The following CHD1 variants were observed in gnomAD, a reference collection of about 807,000 sequenced individuals.
The protein encoded by CHD1 is ATP-dependent chromatin remodeler CHD1.
In CHD1, 36 loss-of-function variants were observed where a neutral mutation model predicts 224.2. The ratio of observed to expected loss-of-function variants is 0.16; its 90% CI spans 0.12 to 0.21. The LOEUF (loss-of-function observed/expected upper bound fraction) is 0.21. Ranked by LOEUF, CHD1 falls within the 10% of genes least tolerant of loss-of-function variation. CHD1 has a pLI of 1.00. For synonymous variants in CHD1, 668 were observed against 658.3 expected (o/e 1.01, Z -0.23); for missense variants, 1,378 against 1,994.8 (o/e 0.69, Z 5.89).
At chr5:98,897,093 A>G (rs1751392971) in intron 11 of CHD1, 100 bp downstream of exon 11, 2 of 1,160,158 alleles carry the variant, frequency 1.7e-6, no homozygotes, top group Middle Eastern at 2.4e-4. Flanking sequence ...ATAAACTGCC[A>G]AAGAGTCTTA....
intron 23 of CHD1, among the ~76,000 whole-genome samples, chr5:98,878,666 C>T (rs1330670121): frequency 6.6e-6 from 1 of 152,128 alleles, no homozygotes; most frequent in Non-Finnish European, 1.5e-5. Context: ...AATATGCTTT[C>T]TGAACATGAC....
chr5:98,889,294 T>C lies in CHD1; in HGVS notation c.2181-56A>G, dbSNP rs1750852112. The C allele has an allele frequency of 3.1e-6, 4 of 1,306,680 alleles. No homozygotes were observed. In the South Asian group the frequency reaches 4.5e-5, roughly 15 times the overall value. 80.9% of individuals were successfully genotyped at this position (1,306,680 alleles called of 1,614,324 possible). A position where few individuals can be genotyped will look rare whatever the true frequency, so the allele number is the denominator to read the frequency against. On this transcript the variant is annotated intron_variant, in intron 15 of 35. Transcript: ENST00000614616. Reference sequence around the variant, plus strand: ...TAGCAGAACAATTACCAGGATAAATTCTAAAAGCATTAAAACAAACAAAAA... The same window carrying C: ...TAGCAGAACAATTACCAGGATAAATCCTAAAAGCATTAAAACAAACAAAAA...
chr5:98,906,091 T>C (rs1343375830), intron 2 of CHD1, among the ~76,000 whole-genome samples: 2 of 150,904 alleles, frequency 1.3e-5, no homozygotes, highest in Non-Finnish European at 3.0e-5. Context: ...AACACAGTAA[T>C]TCTCTTTTTC....
In CHD1 at chr5:98,863,465, T is replaced by C. The variant is rs1447049375; in HGVS notation, c.4370A>G (p.His1457Arg). 6 of 1,605,924 alleles carry C rather than the reference T, an allele frequency of 3.7e-6. No individual in the cohort carries two copies. The highest frequency in any genetic ancestry group is 2.2e-5 in the East Asian group (1 of 44,728). Residue 1457 changes from histidine to arginine, a missense_variant, in exon 32 of 36, where the codon CAT becomes CGT. His to Arg is a conservative substitution (Grantham distance 29). Transcript: ENST00000614616. ...TRQCLIKIGDHITECLKEYTN... is the reference protein window; with the variant it reads ...TRQCLIKIGDRITECLKEYTN... ...ATACTCTTTTAGACATTCTGTGATA[T>C]GGTCTCCAATTTTTATTAAACATTG...
In CHD1 at chr5:98,892,394, A is replaced by G. The variant is rs1751080464; in HGVS notation, c.2180+131T>C. ...CCTCCTAACGACACAGAATAAACTT[A>G]TTCTGAAACTCGAGAATTGCAACTG... On this transcript the variant is annotated intron_variant, in intron 15 of 35. Coordinates refer to ENST00000614616, the MANE Select transcript of CHD1 (RefSeq NM_001270.4). 3 of 570,280 alleles carry G rather than the reference A, an allele frequency of 5.3e-6. No individual in the cohort carries two copies. The Admixed American group carries it at 9.0e-5, about 17-fold the overall frequency. The allele number at this position is 570,280 out of a possible 1,614,324, so 35.3% of individuals were successfully genotyped here.
intron 32 of CHD1, chr5:98,860,418 G>A (rs1033533116): frequency 1.4e-5 from 4 of 277,680 alleles, no homozygotes; most frequent in South Asian, 3.4e-5. Context: ...ATAAGGGACA[G>A]GTATGTTAAT....
chr5:98,859,277 T>C (rs113653010), intron 33 of CHD1, among the ~76,000 whole-genome samples: 5,660 of 152,234 alleles, frequency 0.037, 170 homozygotes, highest in Middle Eastern at 0.12. Context: ...GTTCCCTTCA[T>C]CTAGCTTCTC....
At chr5:98,871,974 A>C in intron 28 of CHD1, 77 bp downstream of exon 28, 2 of 1,335,496 alleles carry the variant, frequency 1.5e-6, no homozygotes, top group South Asian at 3.3e-5. Flanking sequence ...CATTATTTCC[A>C]ACATAATTTA....
chr5:98,902,233 G>A (rs776621475), intron 5 of CHD1, among the ~76,000 whole-genome samples: 32 of 151,994 alleles, frequency 2.1e-4, no homozygotes, highest in Non-Finnish European at 4.6e-4. Flanking sequence ...AAAGATAAAT[G>A]ATTGAATTTT....
intron 18 of CHD1, among the ~76,000 whole-genome samples, chr5:98,885,307 G>T (rs958788150): frequency 6.6e-6 from 1 of 152,112 alleles, no homozygotes; most frequent in Non-Finnish European, 1.5e-5. Flanking sequence ...CAGGAGAATA[G>T]CTTGAACCTG....
intron 2 of CHD1, among the ~76,000 whole-genome samples, chr5:98,917,674 T>C (rs112216748): frequency 2.0e-5 from 3 of 152,218 alleles, no homozygotes; most frequent in African/African-American, 4.8e-5. Context: ...TGAGAGATAC[T>C]GTAGACACTG....
rs750874566 is a variant in CHD1, at chr5:98,896,211, AG to A, written c.1710+14del. 1.3e-6 allele frequency: 2 copies of A among 1,590,092 alleles called. No homozygotes were observed. The highest frequency in any genetic ancestry group is 2.7e-5 in the African/African-American group (2 of 74,382). ...AGTACATTTTGATTTCTACATTTACAGGGAAACAACTTACCATGTTTCTGCT... is the reference window on the plus strand; with the variant it reads ...AGTACATTTTGATTTCTACATTTACAGGAAACAACTTACCATGTTTCTGCT... On this transcript the variant is annotated intron_variant, in intron 12 of 35. Transcript: ENST00000614616.
intron 23 of CHD1, among the ~76,000 whole-genome samples, chr5:98,877,330 C>T (rs1749836842): frequency 6.6e-6 from 1 of 152,064 alleles, no homozygotes; most frequent in Admixed American, 6.5e-5. Flanking sequence ...AATACAACTC[C>T]AACTTAATTT....
At position 98,898,404 on chromosome 5, in the gene CHD1, T is replaced by C. The variant is rs752162961; in HGVS notation, c.1217A>G (p.Tyr406Cys). ...CTGCCATTTGCAGTAATAATCAGGATAACCAGCTGCTGACTTTTGATTGGA... is the reference window on the plus strand; with the variant it reads ...CTGCCATTTGCAGTAATAATCAGGACAACCAGCTGCTGACTTTTGATTGGA... ...AHSNQKSAAGYPDYYCKWQGL... is the reference protein window; with the variant it reads ...AHSNQKSAAGCPDYYCKWQGL... The change falls in exon 10 of 36, where the codon TAT becomes TGT. Residue 406 changes from tyrosine to cysteine, a missense_variant. By Grantham distance (194) the Tyr-to-Cys change is radical. Coordinates refer to ENST00000614616, the MANE Select transcript of CHD1 (RefSeq NM_001270.4). 6.3e-7 allele frequency: 1 copy of C among 1,581,844 alleles called. No individual in the cohort carries two copies. The highest frequency in any genetic ancestry group is 8.6e-7 in the Non-Finnish European group (1 of 1,168,986).
intron 20 of CHD1, 137 bp from the exon 21 acceptor site, chr5:98,881,512 C>CTTT: frequency 5.9e-5 from 26 of 444,304 alleles, no homozygotes; most frequent in South Asian, 2.1e-4. Flanking sequence ...TATTAGAATC[C>CTTT]TTTTTTTTTT....
intron 7 of CHD1, among the ~76,000 whole-genome samples, chr5:98,900,076 A>T (rs1273392047): frequency 6.6e-6 from 1 of 151,996 alleles, no homozygotes; most frequent in Non-Finnish European, 1.5e-5. Context: ...AGGTCAGGAG[A>T]TCAAGACCAT....
chr5:98,915,425 A>G (rs1199164440), intron 2 of CHD1, among the ~76,000 whole-genome samples: 1 of 151,922 alleles, frequency 6.6e-6, no homozygotes, highest in Non-Finnish European at 1.5e-5. Context: ...AACTTTTAAC[A>G]TGACTAATTT....
At chr5:98,875,634 C>T (rs528434456) in intron 24 of CHD1, among the ~76,000 whole-genome samples, 5 of 152,108 alleles carry the variant, frequency 3.3e-5, no homozygotes, top group African/African-American at 9.6e-5. Context: ...CAACTAAAGA[C>T]GAAAAGTACA....
At chr5:98,916,060 C>T (rs1393072647) in intron 2 of CHD1, among the ~76,000 whole-genome samples, 2 of 151,934 alleles carry the variant, frequency 1.3e-5, no homozygotes, top group African/African-American at 4.8e-5. Flanking sequence ...GGCATGGTGG[C>T]ACATGCCTGT....
Sources: allele counts gnomAD v4.1 joint callset (sites outside exome capture counted in the v4.1 genomes callset), GRCh38; gene constraint gnomAD v4.1.1; transcripts MANE v1.5; gene names NCBI Gene and HGNC (gene_info 2026-07-23, HGNC 2026-07-21).